PLD5: variants seen among roughly 807,000 people sequenced by gnomAD.
PLD5 encodes inactive phospholipase D5.
Under a neutral mutation model 61.1 loss-of-function variants are expected in PLD5, and 36 were observed. That is an observed-to-expected ratio of 0.59 (90% CI 0.45 to 0.78). The LOEUF (loss-of-function observed/expected upper bound fraction) is 0.78. PLD5 is among the 30% of genes least tolerant of loss of function. The pLI, the probability that PLD5 is intolerant of heterozygous loss-of-function variation, is 0.00. For missense variants in PLD5, 515 were observed against 644.4 expected, an observed-to-expected ratio of 0.80 and a Z score of 2.17; for synonymous variants, 243 against 242.8, an observed-to-expected ratio of 1.00 and a Z score of -0.01.
intron 1 of PLD5, among the ~76,000 whole-genome samples, chr1:242,353,768 C>T (rs1347662398): frequency 6.6e-6 from 1 of 151,852 alleles, no homozygotes; most frequent in African/African-American, 2.4e-5. Context: ...GAATTATTTC[C>T]ATATATTTGT....
intron 1 of PLD5, among the ~76,000 whole-genome samples, chr1:242,428,102 C>T (rs2102883798): frequency 6.6e-6 from 1 of 152,310 alleles, no homozygotes; most frequent in Admixed American, 6.5e-5. Context: ...TTATTGTCTT[C>T]ATTTTAAGCA....
chr1:242,178,391 A>T (rs1480299995), intron 5 of PLD5: 1 of 152,198 alleles, frequency 6.6e-6, no homozygotes, highest in Non-Finnish European at 1.5e-5. Context: ...ATGCACTTGC[A>T]TTGCTCTCAT....
intron 4 of PLD5, among the ~76,000 whole-genome samples, chr1:242,262,137 A>G (rs552075290): frequency 1.5e-4 from 23 of 152,368 alleles, no homozygotes; most frequent in Non-Finnish European, 3.1e-4. Flanking sequence ...CTATACAACA[A>G]TGTAAAATAA....
At chr1:242,494,941 G>A (rs1326776010) in intron 1 of PLD5, among the ~76,000 whole-genome samples, 1 of 140,902 alleles carries the variant, frequency 7.1e-6, no homozygotes, top group Non-Finnish European at 1.5e-5. Flanking sequence ...ATGTCCTGCA[G>A]TTGGTCCCTA....
At chr1:242,366,924 C>T (rs1036016395) in intron 1 of PLD5, among the ~76,000 whole-genome samples, 1 of 151,890 alleles carries the variant, frequency 6.6e-6, no homozygotes, top group African/African-American at 2.4e-5. Context: ...TATAAACTTC[C>T]ATTGATTCCC....
At chr1:242,328,005 G>T (rs565735723) in intron 2 of PLD5, among the ~76,000 whole-genome samples, 1 of 152,182 alleles carries the variant, frequency 6.6e-6, no homozygotes, top group East Asian at 1.9e-4. Context: ...AGCCCAGGAG[G>T]TCAAGGCTGC....
chr1:242,225,131 T>C (rs1473171366), intron 4 of PLD5, among the ~76,000 whole-genome samples: 2 of 152,258 alleles, frequency 1.3e-5, no homozygotes, highest in Non-Finnish European at 2.9e-5. Context: ...ATTCATGCTG[T>C]CATGTGGAAC....
chr1:242,479,212 G>A (rs935505982), intron 1 of PLD5, among the ~76,000 whole-genome samples: 1 of 152,164 alleles, frequency 6.6e-6, no homozygotes, highest in African/African-American at 2.4e-5. Context: ...AATGCAATAG[G>A]CACAAAACTG....
intron 5 of PLD5, among the ~76,000 whole-genome samples, chr1:242,163,055 C>G (rs1278595283): frequency 1.3e-5 from 2 of 152,030 alleles, no homozygotes; most frequent in African/African-American, 4.8e-5. Flanking sequence ...TTATAAACAT[C>G]TCAGGACTAG....
intron 1 of PLD5, among the ~76,000 whole-genome samples, chr1:242,363,922 A>G (rs1270036286): frequency 6.6e-6 from 1 of 152,246 alleles, no homozygotes; most frequent in African/African-American, 2.4e-5. Context: ...AGTAGACTGA[A>G]CAGAATATCA....
At chr1:242,321,034 T>C (rs1443153582) in intron 2 of PLD5, among the ~76,000 whole-genome samples, 1 of 152,194 alleles carries the variant, frequency 6.6e-6, no homozygotes, top group African/African-American at 2.4e-5. Context: ...CAAAACATTC[T>C]ACTATCAACC....
intron 2 of PLD5, among the ~76,000 whole-genome samples, chr1:242,338,740 G>T (rs1295985784): frequency 6.6e-6 from 1 of 151,974 alleles, no homozygotes; most frequent in African/African-American, 2.4e-5. Flanking sequence ...TCTGGATATG[G>T]GGCTAATCAA....
intron 5 of PLD5, among the ~76,000 whole-genome samples, chr1:242,144,367 A>G (rs2574680): frequency 0.6 from 91,056 of 151,868 alleles, 28,079 homozygotes; most frequent in African/African-American, 0.74. Context: ...ATTTCTCTGA[A>G]GCTGAATTAG....
intron 5 of PLD5, among the ~76,000 whole-genome samples, chr1:242,182,800 G>A (rs564985052): frequency 2.4e-4 from 36 of 152,172 alleles, no homozygotes; most frequent in Non-Finnish European, 2.8e-4. Flanking sequence ...GCAAGATCGC[G>A]CCACTGCACT....
At chr1:242,440,765 GCACAGAA>G (rs1323302289) in intron 1 of PLD5, among the ~76,000 whole-genome samples, 1 of 152,154 alleles carries the variant, frequency 6.6e-6, no homozygotes, top group African/African-American at 2.4e-5. Context: ...CACATGCTGA[GCACAGAA>G]CACTATGTTT....
In PLD5 at chr1:242,150,127, T is replaced by C. The variant is rs371754429; in HGVS notation, c.736-25462A>G. Reference sequence around the variant, plus strand: ...ATATTGTCCAGATTTTTTTATTGATTTCTAGTTTTTTATTCATATATTCAC... The same window carrying C: ...ATATTGTCCAGATTTTTTTATTGATCTCTAGTTTTTTATTCATATATTCAC... On this transcript the variant is annotated intron_variant, in intron 5 of 9. Transcript: ENST00000536534. Among the ~76,000 whole-genome samples the C allele has an allele frequency of 5.3e-4, 81 of 151,930 alleles. 2 individuals carry two copies. The South Asian group carries it at 0.016, about 30-fold the overall frequency.
chr1:242,375,929 C>T (rs1015179495), intron 1 of PLD5, among the ~76,000 whole-genome samples: 2 of 152,170 alleles, frequency 1.3e-5, no homozygotes, highest in African/African-American at 2.4e-5. Flanking sequence ...GCACCCAGAA[C>T]AGGAAACGCC....
rs954697099 is a variant in PLD5, at chr1:242,376,774, G to C, written c.190-28532C>G. ...AATACTTATCGAGGATATATACGAC[G>C]AGGTGAAGGAAGGTACGTTGAAAGA... On this transcript the variant is annotated intron_variant, in intron 1 of 9. Coordinates refer to ENST00000536534, the MANE Select transcript of PLD5 (RefSeq NM_001372062.1). 5.3e-6 allele frequency: 4 copies of C among 761,410 alleles called. No homozygotes were observed. In the African/African-American group the frequency reaches 7.1e-5, roughly 13 times the overall value. The allele number at this position is 761,410 out of a possible 1,614,324, so 47.2% of individuals were successfully genotyped here. A position where few individuals can be genotyped will look rare whatever the true frequency, so the allele number is the denominator to read the frequency against.
intron 1 of PLD5, among the ~76,000 whole-genome samples, chr1:242,378,128 T>C (rs752947880): frequency 6.6e-6 from 1 of 152,310 alleles, no homozygotes; most frequent in Non-Finnish European, 1.5e-5. Context: ...AATTAGGAGA[T>C]GAATGGATCG....
Sources: allele counts gnomAD v4.1 joint callset (sites outside exome capture counted in the v4.1 genomes callset), GRCh38; gene constraint gnomAD v4.1.1; transcripts MANE v1.5; gene names NCBI Gene and HGNC (gene_info 2026-07-23, HGNC 2026-07-21).